RORA: variants seen among roughly 807,000 people sequenced by gnomAD.
RORA encodes nuclear receptor ROR-alpha.
RORA carries 7 observed loss-of-function variants against 69.5 expected under a neutral mutation model. The observed-to-expected ratio is 0.10, with a 90% CI of 0.06 to 0.19. The LOEUF is 0.19. Ranked by LOEUF, RORA falls within the 10% of genes least tolerant of loss-of-function variation. RORA has a pLI of 1.00. For missense variants in RORA, 457 were observed against 663.0 expected (o/e 0.69, Z 3.41); for synonymous variants, 261 against 240.8 (o/e 1.08, Z -0.78).
chr15:60,925,352 T>C (rs57736853), intron 1 of RORA, among the ~76,000 whole-genome samples: 46,945 of 151,982 alleles, frequency 0.31, 7,473 homozygotes, highest in South Asian at 0.41. Flanking sequence ...ATATTTGAAA[T>C]GTCCCCATAT....
intron 1 of RORA, among the ~76,000 whole-genome samples, chr15:61,133,536 T>G (rs1408304543): frequency 6.6e-6 from 1 of 152,130 alleles, no homozygotes; most frequent in African/African-American, 2.4e-5. Context: ...GATCAGAGAA[T>G]GAGGTCCGCT....
chr15:60,838,298 G>A lies in RORA; in HGVS notation c.167-159612C>T, dbSNP rs1043833164. ...TGACCCAGACATGGCCTGGGCTGGG[G>A]ATTTTACTCTATGACCACATAGCAC... On this transcript the variant is annotated intron_variant, in intron 1 of 10. Transcript: ENST00000335670. Among the ~76,000 whole-genome samples, 3 of 152,280 alleles carry A rather than the reference G, an allele frequency of 2.0e-5. No homozygotes were observed. The South Asian group carries it at 6.2e-4, about 32-fold the overall frequency.
intron 1 of RORA, among the ~76,000 whole-genome samples, chr15:60,754,692 A>T (rs2071772243): frequency 6.6e-6 from 1 of 152,136 alleles, no homozygotes; most frequent in Non-Finnish European, 1.5e-5. Flanking sequence ...CAAATCCCAT[A>T]GACTGTCAGA....
chr15:60,552,569 T>C (rs2067253877), intron 2 of RORA, among the ~76,000 whole-genome samples: 3 of 152,136 alleles, frequency 2.0e-5, no homozygotes, highest in Admixed American at 2.0e-4. Context: ...AATAAATAAA[T>C]TAGGAAATCC....
chr15:60,927,575 C>A (rs898510667), intron 1 of RORA, among the ~76,000 whole-genome samples: 1 of 152,044 alleles, frequency 6.6e-6, no homozygotes, highest in Non-Finnish European at 1.5e-5. Context: ...GAGTTCAAGT[C>A]CAGCCTAGCC....
intron 1 of RORA, among the ~76,000 whole-genome samples, chr15:60,785,588 C>A (rs1376796269): frequency 6.6e-6 from 1 of 152,234 alleles, no homozygotes; most frequent in Non-Finnish European, 1.5e-5. Flanking sequence ...TCAGGTCTCT[C>A]GTCTGTCCCT....
At chr15:61,033,871 C>T (rs528453864) in intron 1 of RORA, among the ~76,000 whole-genome samples, 3 of 150,294 alleles carry the variant, frequency 2.0e-5, no homozygotes, top group African/African-American at 7.4e-5. Flanking sequence ...AACTTTGAGA[C>T]CAGCTGGGCA....
intron 1 of RORA, among the ~76,000 whole-genome samples, chr15:60,695,038 C>CA (rs2070882404): frequency 6.6e-6 from 1 of 152,138 alleles, no homozygotes; most frequent in African/African-American, 2.4e-5. Flanking sequence ...CCACGTTAGT[C>CA]AGGCACTATG....
chr15:60,564,357 T>G (rs945220593), intron 2 of RORA, among the ~76,000 whole-genome samples: 1 of 152,226 alleles, frequency 6.6e-6, no homozygotes, highest in Non-Finnish European at 1.5e-5. Flanking sequence ...CATCTTATAA[T>G]GCAATTGTTA....
At chr15:60,661,878 G>A (rs975345863) in intron 2 of RORA, among the ~76,000 whole-genome samples, 9 of 152,176 alleles carry the variant, frequency 5.9e-5, no homozygotes, top group Non-Finnish European at 1.0e-4. Context: ...AAAATCCCAC[G>A]AATGCATGGA....
At chr15:60,970,567 G>T (rs1893685276) in intron 1 of RORA, among the ~76,000 whole-genome samples, 1 of 152,166 alleles carries the variant, frequency 6.6e-6, no homozygotes. Context: ...TGGAATAAAG[G>T]GACTGATTCA....
chr15:60,685,325 T>C (rs1306902983), intron 1 of RORA, among the ~76,000 whole-genome samples: 1 of 152,220 alleles, frequency 6.6e-6, no homozygotes, highest in Admixed American at 6.5e-5. Flanking sequence ...TTCCTCATTG[T>C]GAGGCGCTAG....
chr15:60,899,085 C>T (rs934939815), intron 1 of RORA, among the ~76,000 whole-genome samples: 1 of 152,220 alleles, frequency 6.6e-6, no homozygotes, highest in Non-Finnish European at 1.5e-5. Flanking sequence ...CATCTGCAGA[C>T]CACTAGGGGT....
intron 1 of RORA, among the ~76,000 whole-genome samples, chr15:61,144,502 A>G (rs980869732): frequency 5.3e-5 from 8 of 152,248 alleles, no homozygotes; most frequent in African/African-American, 1.9e-4. Context: ...CACAGCTGCC[A>G]TGACTGTTAG....
intron 1 of RORA, chr15:60,763,955 G>A (rs562110589): frequency 6.6e-5 from 10 of 152,240 alleles, no homozygotes; most frequent in Non-Finnish European, 1.2e-4. Flanking sequence ...TACAGTTAGA[G>A]TGAGTGAGAG....
At chr15:60,711,116 A>G (rs796916433) in intron 1 of RORA, among the ~76,000 whole-genome samples, 2 of 152,112 alleles carry the variant, frequency 1.3e-5, no homozygotes, top group African/African-American at 4.8e-5. Flanking sequence ...ATTTATCCCA[A>G]AAGAGGTTTT....
intron 1 of RORA, among the ~76,000 whole-genome samples, chr15:60,942,268 T>G (rs932517613): frequency 1.3e-5 from 2 of 152,218 alleles, no homozygotes; most frequent in African/African-American, 4.8e-5. Flanking sequence ...AGTGAGTTTA[T>G]GTCTCAAGGC....
intron 1 of RORA, among the ~76,000 whole-genome samples, chr15:60,798,334 A>G (rs1464117863): frequency 6.6e-6 from 1 of 152,100 alleles, no homozygotes. Flanking sequence ...TTCATAATTT[A>G]TTTAGAAAGT....
At position 60,901,341 on chromosome 15, in the gene RORA, T is replaced by C. The variant is rs542597266; in HGVS notation, c.167-222655A>G. ...CACCAGCCACCACACCCAGCTAATT[T>C]TTGTACTTTTAGTAGAGATGGGGTT... On this transcript the variant is annotated intron_variant, in intron 1 of 10. Transcript: ENST00000335670. Among the ~76,000 whole-genome samples the C allele has an allele frequency of 3.0e-4, 45 of 152,306 alleles. No homozygotes were observed. In the South Asian group the frequency reaches 9.1e-3, roughly 31 times the overall value.
Sources: gnomAD v4.1 joint callset for allele counts (sites outside exome capture counted in the v4.1 genomes callset) on GRCh38, gnomAD v4.1.1 for gene constraint, MANE v1.5 for transcripts, NCBI Gene and HGNC (gene_info 2026-07-23, HGNC 2026-07-21) for gene names.